Variants in ASAP1 observed in about 807,000 individuals in gnomAD.
ASAP1 encodes the protein arf-GAP with SH3 domain, ANK repeat and PH domain-containing protein 1.
A neutral mutation model predicts 145.2 loss-of-function variants in ASAP1; 43 were observed. The observed-to-expected ratio is 0.30, with a 90% confidence interval of 0.23 to 0.38. ASAP1 has a LOEUF of 0.38. ASAP1 is among the 10% of genes least tolerant of loss of function. The pLI is 1.00. For missense variants in ASAP1, 1,018 were observed against 1,355.3 expected, an observed-to-expected ratio of 0.75 and a Z score of 3.91; for synonymous variants, 546 against 515.5, an observed-to-expected ratio of 1.06 and a Z score of -0.80.
intron 10 of ASAP1, among the ~76,000 whole-genome samples, chr8:130,168,249 T>G (rs1182972148): frequency 2.0e-5 from 3 of 152,208 alleles, no homozygotes; most frequent in African/African-American, 7.2e-5. Context: ...AAATGATTTT[T>G]GGGCAACAAC....
Position 130,168,972 on chromosome 8 carries a change from GTATTTTA to G in ASAP1, c.822+13_822+19del. ...TCCATGAAAGCAAGTTAAACTGCATGTATTTTATAAAGAACTTACATTATATAAATCA... is the reference window on the plus strand; with the variant it reads ...TCCATGAAAGCAAGTTAAACTGCATGTAAAGAACTTACATTATATAAATCA... On this transcript the variant is annotated intron_variant, in intron 10 of 29. Coordinates refer to ENST00000518721, the MANE Select transcript of ASAP1 (RefSeq NM_018482.4). 7.1e-7 allele frequency: 1 copy of G among 1,408,370 alleles called. No homozygotes were observed. The highest frequency in any genetic ancestry group is 9.8e-7 in the Non-Finnish European group (1 of 1,025,116). 87.2% of individuals were successfully genotyped at this position (1,408,370 alleles called of 1,614,324 possible). A position where few individuals can be genotyped will look rare whatever the true frequency, so the allele number is the denominator to read the frequency against.
chr8:130,112,195 T>C lies in ASAP1; in HGVS notation c.2300A>G (p.Tyr767Cys), dbSNP rs768385112. 13 of 1,614,044 alleles carry C rather than the reference T, an allele frequency of 8.1e-6. No individual in the cohort carries two copies. In the Admixed American group the frequency reaches 1.0e-4, roughly 12 times the overall value. The change falls in exon 24 of 30, where the codon TAT becomes TGT. Residue 767 changes from tyrosine to cysteine, a missense_variant. By Grantham distance (194) the Tyr-to-Cys change is radical. This residue lies in a region of ASAP1 where 353 missense variants were observed against 375.4 expected (regional missense o/e 0.94). Transcript: ENST00000518721. ...GAAGATCTGGTTGGTGAAGGCTCCA[T>C]AGGAGAGCCGCTGTTTGTCCCTTGG... Reference protein sequence around the residue: ...STPRDKQRLSYGAFTNQIFVS... With the variant: ...STPRDKQRLSCGAFTNQIFVS...
intron 1 of ASAP1, among the ~76,000 whole-genome samples, chr8:130,438,280 T>C (rs547895672): frequency 6.6e-6 from 1 of 152,324 alleles, no homozygotes; most frequent in Admixed American, 6.5e-5. Context: ...GTGTTTCCTT[T>C]ACTCTCAGAA....
chr8:130,228,966 G>GA, intron 4 of ASAP1, among the ~76,000 whole-genome samples: 1 of 152,180 alleles, frequency 6.6e-6, no homozygotes, highest in African/African-American at 2.4e-5. Flanking sequence ...TCTCCACAAT[G>GA]AAACAAGTAC....
At chr8:130,129,555 CTAA>C (rs2097580133) in intron 15 of ASAP1, among the ~76,000 whole-genome samples, 1 of 152,120 alleles carries the variant, frequency 6.6e-6, no homozygotes. Context: ...ATATAGACAG[CTAA>C]TGTTTATTCT....
chr8:130,275,816 T>G (rs772110414), intron 3 of ASAP1, among the ~76,000 whole-genome samples: 1 of 152,222 alleles, frequency 6.6e-6, no homozygotes, highest in Non-Finnish European at 1.5e-5. Flanking sequence ...GCTTTTTTGT[T>G]GTAACTCTCC....
chr8:130,261,925 T>C (rs2136979208), intron 3 of ASAP1, among the ~76,000 whole-genome samples: 1 of 152,124 alleles, frequency 6.6e-6, no homozygotes, highest in African/African-American at 2.4e-5. Flanking sequence ...ATCATATATA[T>C]ATAATAAACA....
At chr8:130,207,840 T>A (rs1298276854) in intron 5 of ASAP1, among the ~76,000 whole-genome samples, 3 of 152,158 alleles carry the variant, frequency 2.0e-5, no homozygotes, top group Non-Finnish European at 2.9e-5. Flanking sequence ...CATTCCTACT[T>A]TTATGGAATA....
chr8:130,094,213 A>T (rs1213719849), intron 24 of ASAP1, among the ~76,000 whole-genome samples: 1 of 151,972 alleles, frequency 6.6e-6, no homozygotes, highest in African/African-American at 2.4e-5. Flanking sequence ...GTTTATCGTT[A>T]AAAAAAATTT....
At chr8:130,346,613 C>A (rs1825718348) in intron 3 of ASAP1, among the ~76,000 whole-genome samples, 2 of 152,158 alleles carry the variant, frequency 1.3e-5, no homozygotes. Context: ...GCACAGTTCC[C>A]GGCATAGAGT....
intron 7 of ASAP1, among the ~76,000 whole-genome samples, chr8:130,186,116 C>T (rs1313194393): frequency 6.6e-6 from 1 of 152,104 alleles, no homozygotes; most frequent in Non-Finnish European, 1.5e-5. Context: ...TGTCTCTGGG[C>T]AGCGGCAGTA....
At position 130,366,886 on chromosome 8, in the gene ASAP1, C is replaced by CTTTTTTTTTTTTTTTTTTTTTT. The variant is rs905755447; in HGVS notation, c.60-8765_60-8744dup. On this transcript the variant is annotated intron_variant, in intron 2 of 29. Coordinates refer to ENST00000518721, the MANE Select transcript of ASAP1 (RefSeq NM_018482.4). ...TCTAAACAGGTACTATGCTAGATTC[C>CTTTTTTTTTTTTTTTTTTTTTT]TTTTTTTTTTTTTTTTTTTTTTGAG... Among the ~76,000 whole-genome samples, 45 of 99,192 alleles carry CTTTTTTTTTTTTTTTTTTTTTT rather than the reference C, an allele frequency of 4.5e-4. 3 individuals carry two copies. Among genetic ancestry groups the CTTTTTTTTTTTTTTTTTTTTTT allele is most frequent in the South Asian group, 8.8e-4 (2 of 2,280 alleles). 65.1% of individuals were successfully genotyped at this position (99,192 alleles called of 152,430 possible). A position where few individuals can be genotyped will look rare whatever the true frequency, so the allele number is the denominator to read the frequency against.
chr8:130,191,541 C>A (rs552468050), intron 5 of ASAP1, among the ~76,000 whole-genome samples: 15 of 152,268 alleles, frequency 9.9e-5, no homozygotes, highest in Admixed American at 5.9e-4. Flanking sequence ...ATTCTAGGAA[C>A]AGAGGCAGTC....
intron 4 of ASAP1, among the ~76,000 whole-genome samples, chr8:130,234,654 T>C (rs1191962764): frequency 6.6e-6 from 1 of 152,114 alleles, no homozygotes; most frequent in African/African-American, 2.4e-5. Flanking sequence ...GGCCAAGGGA[T>C]GAAATGCATC....
At chr8:130,070,337 G>A (rs550204109) in intron 27 of ASAP1, among the ~76,000 whole-genome samples, 23 of 152,242 alleles carry the variant, frequency 1.5e-4, no homozygotes, top group African/African-American at 4.3e-4. Context: ...GTGCCCGGCC[G>A]ACTGCATCTC....
chr8:130,103,966 T>TC (rs930277481), intron 24 of ASAP1, among the ~76,000 whole-genome samples: 1 of 152,194 alleles, frequency 6.6e-6, no homozygotes, highest in Non-Finnish European at 1.5e-5. Context: ...ATCCATCCCC[T>TC]CTTCCCTGGA....
intron 3 of ASAP1, among the ~76,000 whole-genome samples, chr8:130,347,000 T>G (rs1386292144): frequency 6.6e-6 from 1 of 152,230 alleles, no homozygotes; most frequent in Non-Finnish European, 1.5e-5. Context: ...AACTGGGCAG[T>G]GAAGAAGCCG....
intron 6 of ASAP1, among the ~76,000 whole-genome samples, chr8:130,187,515 A>C (rs956769715): frequency 1.3e-5 from 2 of 151,604 alleles, no homozygotes; most frequent in Non-Finnish European, 2.9e-5. Context: ...TCCCAGGCTC[A>C]ATTGATCTTC....
intron 3 of ASAP1, among the ~76,000 whole-genome samples, chr8:130,259,607 C>T (rs556674500): frequency 3.9e-5 from 6 of 152,330 alleles, no homozygotes; most frequent in Admixed American, 1.3e-4. Context: ...ATTAGAAATG[C>T]TGTTCTTTAA....
Sources: allele counts gnomAD v4.1 joint callset (sites outside exome capture counted in the v4.1 genomes callset), GRCh38; gene constraint gnomAD v4.1.1; regional missense constraint gnomAD v4.1.1; transcripts MANE v1.5; gene names NCBI Gene and HGNC (gene_info 2026-07-23, HGNC 2026-07-21).